Variants in EFHB observed in about 807,000 individuals in gnomAD.
EFHB encodes the protein EF-hand domain family member B, also known as EF-hand domain-containing family member B.
A neutral mutation model predicts 87.2 loss-of-function variants in EFHB; 91 were observed. The ratio of observed to expected loss-of-function variants is 1.04; its 90% confidence interval spans 0.88 to 1.24. The LOEUF is 1.24. EFHB is among the 50% of genes most tolerant of loss of function. The pLI, the probability that EFHB is intolerant of heterozygous loss-of-function variation, is 0.00. For missense variants in EFHB, 1,084 were observed against 998.8 expected, an observed-to-expected ratio of 1.09 and a Z score of -1.15; for synonymous variants, 325 against 333.6, an observed-to-expected ratio of 0.97 and a Z score of 0.28.
intron 10 of EFHB, among the ~76,000 whole-genome samples, 185 bp downstream of exon 10, chr3:19,888,259 G>A (rs1346130659): frequency 1.3e-5 from 2 of 151,904 alleles, no homozygotes; most frequent in African/African-American, 4.8e-5. Flanking sequence ...AAGCATGCTG[G>A]CTCACACCAA....
Position 19,899,500 on chromosome 3 carries a change from C to G in EFHB, c.1434G>C (p.Lys478Asn), listed in dbSNP as rs750235589. 2.5e-6 allele frequency: 4 copies of G among 1,600,850 alleles called. 1 individual carries two copies. The South Asian group carries it at 4.6e-5, about 18-fold the overall frequency. The change falls in exon 7 of 13, where the codon AAG becomes AAC. Residue 478 changes from lysine (K) to asparagine (N), a missense_variant. By Grantham distance (94) the Lys-to-Asn change is moderately conservative. Transcript: ENST00000295824. ...LHELQMKRGA[K>N]FVSKRADDFK... ...AATCATCTGCTCTTTTGGATACAAA[C>G]TTAGCTCCTCTTTTCCTGCAAAATT...
chr3:19,925,379 A>G (rs1457049478), intron 1 of EFHB, among the ~76,000 whole-genome samples: 1 of 152,168 alleles, frequency 6.6e-6, no homozygotes, highest in Non-Finnish European at 1.5e-5. Flanking sequence ...AGATATATAG[A>G]TATATCATAA....
intron 4 of EFHB, among the ~76,000 whole-genome samples, chr3:19,917,015 T>G (rs1288090869): frequency 6.6e-6 from 1 of 152,066 alleles, no homozygotes; most frequent in East Asian, 1.9e-4. Context: ...CCACATTAAA[T>G]AAACTAATCC....
intron 9 of EFHB, among the ~76,000 whole-genome samples, chr3:19,891,176 C>A (rs1694294287): frequency 6.6e-6 from 1 of 152,156 alleles, no homozygotes; most frequent in Non-Finnish European, 1.5e-5. Context: ...AGGTGATCCT[C>A]CTGCCTCAGC....
At chr3:19,921,973 T>C (rs552635082) in intron 1 of EFHB, among the ~76,000 whole-genome samples, 39 of 152,220 alleles carry the variant, frequency 2.6e-4, no homozygotes, top group Admixed American at 5.2e-4. Flanking sequence ...AAGACCAGCC[T>C]GGCCAACATG....
At chr3:19,896,213 G>T (rs1479103964) in intron 9 of EFHB, among the ~76,000 whole-genome samples, 2 of 152,104 alleles carry the variant, frequency 1.3e-5, no homozygotes, top group African/African-American at 4.8e-5. Flanking sequence ...CCATAACAGT[G>T]GTTCTCAAAC....
At chr3:19,943,443 G>T (rs1165729927) in intron 1 of EFHB, 1 of 153,152 alleles carries the variant, frequency 6.5e-6, no homozygotes, top group South Asian at 2.0e-4. Context: ...CCAGGTAAGG[G>T]CTCATTCAAT....
At chr3:19,939,509 A>C (rs1187335558) in intron 1 of EFHB, among the ~76,000 whole-genome samples, 3 of 149,054 alleles carry the variant, frequency 2.0e-5, no homozygotes, top group Non-Finnish European at 3.0e-5. Flanking sequence ...CTCAGCCTCT[A>C]GAGTAGCTGG....
chr3:19,942,583 A>C (rs1478395569), intron 1 of EFHB, among the ~76,000 whole-genome samples: 2 of 152,198 alleles, frequency 1.3e-5, no homozygotes, highest in African/African-American at 2.4e-5. Context: ...TTATTATTAC[A>C]TTGTAATATA....
rs1695002231 is a variant in EFHB, at chr3:19,910,041, T to G, written c.1289-4292A>C. Among the ~76,000 whole-genome samples, 3 of 151,906 alleles carry G rather than the reference T, an allele frequency of 2.0e-5. No homozygotes were observed. In the South Asian group the frequency reaches 6.3e-4, roughly 32 times the overall value. ...TTAGCACATTACCAGCTGTGGTAGC[T>G]ACAGAGCAAAACTCCTTCTGCTTGA... On this transcript the variant is annotated intron_variant, in intron 5 of 12. Coordinates refer to ENST00000295824, the MANE Select transcript of EFHB (RefSeq NM_144715.4).
At chr3:19,901,048 A>T (rs2125132029) in intron 6 of EFHB, among the ~76,000 whole-genome samples, 1 of 152,356 alleles carries the variant, frequency 6.6e-6, no homozygotes, top group East Asian at 1.9e-4. Context: ...ATTCTGTCAC[A>T]TCAATAAGAA....
At chr3:19,920,662 G>T in intron 1 of EFHB, 95 bp from the exon 2 acceptor site, 1 of 936,934 alleles carries the variant, frequency 1.1e-6, no homozygotes, top group Non-Finnish European at 1.6e-6. Context: ...TGCCTCTGAG[G>T]CTACAAAGTT....
At chr3:19,899,646 T>C in intron 6 of EFHB, 131 bp from the exon 7 acceptor site, 1 of 531,518 alleles carries the variant, frequency 1.9e-6, no homozygotes, top group Non-Finnish European at 3.1e-6. Context: ...AAAGAAACTC[T>C]CTGCTAAAAA....
At chr3:19,886,580 G>A (rs560201563) in intron 10 of EFHB, among the ~76,000 whole-genome samples, 26 of 149,704 alleles carry the variant, frequency 1.7e-4, no homozygotes, top group African/African-American at 5.9e-4. Flanking sequence ...AGAGGCTGAG[G>A]CAGGTGAATC....
intron 6 of EFHB, among the ~76,000 whole-genome samples, chr3:19,901,949 CA>C (rs200520648): frequency 2.9e-3 from 351 of 120,240 alleles, no homozygotes; most frequent in Admixed American, 2.8e-3. Context: ...AACTCTGTCT[CA>C]AAAAAAAAAA....
chr3:19,937,711 T>C (rs1259394756), upstream of EFHB, among the ~76,000 whole-genome samples: 2 of 152,164 alleles, frequency 1.3e-5, no homozygotes, highest in African/African-American at 4.8e-5. Context: ...GCTCCTCCAG[T>C]ACCAAGAGTC....
chr3:19,910,529 C>A (rs769667734), intron 5 of EFHB, among the ~76,000 whole-genome samples: 1 of 152,296 alleles, frequency 6.6e-6, no homozygotes, highest in East Asian at 1.9e-4. Context: ...GGGGACCTCA[C>A]CACCCTGAAG....
upstream of EFHB, chr3:19,934,295 A>G (rs1233946359): frequency 7.6e-7 from 1 of 1,315,352 alleles, no homozygotes; most frequent in Non-Finnish European, 9.7e-7. Flanking sequence ...CCCATCTCTC[A>G]TTCTTCTCTC....
chr3:19,920,175 C>T (rs920748561), intron 2 of EFHB, among the ~76,000 whole-genome samples, 199 bp from the exon 3 acceptor site: 2 of 152,040 alleles, frequency 1.3e-5, no homozygotes, highest in African/African-American at 4.8e-5. Flanking sequence ...TTCCATGACA[C>T]AGATCCTGAG....
Sources: gnomAD v4.1 joint callset for allele counts (sites outside exome capture counted in the v4.1 genomes callset) on GRCh38, gnomAD v4.1.1 for gene constraint, MANE v1.5 for transcripts, NCBI Gene and HGNC (gene_info 2026-07-23, HGNC 2026-07-21) for gene names.